Variants in COL10A1 observed in about 807,000 individuals in gnomAD.
COL10A1 encodes the protein collagen type X alpha 1 chain, also known as collagen alpha-1(X) chain.
A neutral mutation model predicts 18.2 loss-of-function variants in COL10A1; 10 were observed. The observed-to-expected ratio is 0.55, with a 90% CI of 0.34 to 0.93. COL10A1 has a LOEUF of 0.93. COL10A1 is among the 40% of genes least tolerant of loss of function. The pLI is 0.02. For missense variants in COL10A1, 897 were observed against 853.5 expected (o/e 1.05, Z -0.64); for synonymous variants, 330 against 316.6 (o/e 1.04, Z -0.45).
chr6:116,142,343 T>TA (rs938704859), intron 1 of COL10A1, among the ~76,000 whole-genome samples: 1 of 151,432 alleles, frequency 6.6e-6, no homozygotes, highest in African/African-American at 2.4e-5. Flanking sequence ...TTTCAAGTTG[T>TA]AAAAAAAAAT....
intron 1 of COL10A1, among the ~76,000 whole-genome samples, chr6:116,154,528 G>A (rs1169603354): frequency 6.6e-6 from 1 of 151,484 alleles, no homozygotes; most frequent in Non-Finnish European, 1.5e-5. Flanking sequence ...AACAAATGCT[G>A]ATGAAAAAAA....
chr6:116,178,088 T>TGTGTGTGTGTGTGC, the COL10A1 span, among the ~76,000 whole-genome samples: 15 of 99,664 alleles, frequency 1.5e-4, no homozygotes, highest in African/African-American at 6.0e-4. Flanking sequence ...TGTGTGTGTG[T>TGTGTGTGTGTGTGC]GCGCGCGCGC....
intron 1 of COL10A1, among the ~76,000 whole-genome samples, chr6:116,157,909 A>G (rs867082044): frequency 1.3e-5 from 2 of 152,218 alleles, no homozygotes; most frequent in Non-Finnish European, 1.5e-5. Context: ...GAAGTACAGA[A>G]ATAAAATGTC....
At chr6:116,178,654 A>G in the COL10A1 span, among the ~76,000 whole-genome samples, 1 of 152,238 alleles carries the variant, frequency 6.6e-6, no homozygotes, top group African/African-American at 2.4e-5. Context: ...TAGTTTTGGT[A>G]AAGGCAATTT....
At chr6:116,212,660 T>TCCAC in the COL10A1 span, among the ~76,000 whole-genome samples, 1 of 152,200 alleles carries the variant, frequency 6.6e-6, no homozygotes, top group African/African-American at 2.4e-5. Flanking sequence ...TTAAGAAAAA[T>TCCAC]CCAAAGTTTT....
chr6:116,167,335 C>G, the COL10A1 span, among the ~76,000 whole-genome samples: 1 of 151,224 alleles, frequency 6.6e-6, no homozygotes, highest in African/African-American at 2.4e-5. Context: ...GCCTCAGCCT[C>G]CCAAGTAATT....
At chr6:116,199,113 G>C in the COL10A1 span, among the ~76,000 whole-genome samples, 2 of 151,918 alleles carry the variant, frequency 1.3e-5, no homozygotes, top group Non-Finnish European at 1.5e-5. Flanking sequence ...ATGTCCCTGG[G>C]GGGTGAGGGG....
rs144652779 is a variant in COL10A1 at position 116,133,297 on chromosome 6, C to A, written c.-15-7790G>T. ...CACATGTTAGTTCCTACTCTGTTTA[C>A]AACTTCAGCTTTCACATGCAGTTTC... On this transcript the variant is annotated intron_variant, in intron 1 of 1. Transcript: ENST00000418500. Among the ~76,000 whole-genome samples, 282 of 152,282 alleles carry A rather than the reference C, an allele frequency of 1.9e-3. 1 individual carries two copies. The highest frequency in any genetic ancestry group is 6.3e-3 in the African/African-American group (262 of 41,572).
chr6:116,166,972 G>T, the COL10A1 span, among the ~76,000 whole-genome samples: 1 of 151,972 alleles, frequency 6.6e-6, no homozygotes, highest in African/African-American at 2.4e-5. Flanking sequence ...TTGTTTTGGG[G>T]AGCCTACTCT....
At chr6:116,216,571 G>A in the COL10A1 span, among the ~76,000 whole-genome samples, 1 of 151,720 alleles carries the variant, frequency 6.6e-6, no homozygotes, top group Non-Finnish European at 1.5e-5. Context: ...GCTTTTATTT[G>A]AGAGACTTTC....
At chr6:116,183,401 C>G in the COL10A1 span, among the ~76,000 whole-genome samples, 6 of 151,906 alleles carry the variant, frequency 3.9e-5, no homozygotes, top group African/African-American at 1.5e-4. Flanking sequence ...TTTTCTAGTT[C>G]TGTGAAGAAT....
At chr6:116,183,607 C>T in the COL10A1 span, among the ~76,000 whole-genome samples, 1 of 151,654 alleles carries the variant, frequency 6.6e-6, no homozygotes, top group Non-Finnish European at 1.5e-5. Flanking sequence ...AGTCTTTCAC[C>T]TCCTTGGTTA....
chr6:116,153,421 T>G (rs187672116), intron 1 of COL10A1, among the ~76,000 whole-genome samples: 1 of 152,250 alleles, frequency 6.6e-6, no homozygotes, highest in Admixed American at 6.5e-5. Flanking sequence ...TCAGTTATCT[T>G]TAAGCATAGT....
the COL10A1 span, among the ~76,000 whole-genome samples, chr6:116,166,053 A>G: frequency 5.0e-4 from 76 of 152,292 alleles, 1 homozygote; most frequent in Middle Eastern, 3.4e-3. Context: ...TCATGAAGGT[A>G]GAAAGGCTCC....
chr6:116,127,851 T>C (rs1353657421), upstream of COL10A1, among the ~76,000 whole-genome samples: 1 of 152,214 alleles, frequency 6.6e-6, no homozygotes, highest in East Asian at 1.9e-4. Context: ...TACATAGTGC[T>C]ATGCCCCTGT....
At chr6:116,183,030 C>T in the COL10A1 span, among the ~76,000 whole-genome samples, 1 of 152,066 alleles carries the variant, frequency 6.6e-6, no homozygotes, top group South Asian at 2.1e-4. Context: ...AGTTTTTCAT[C>T]CATCTTAAGT....
rs766668557 is a variant in COL10A1 at position 116,125,345 on chromosome 6, T to A, written c.148A>T (p.Ser50Cys). The change falls in exon 2 of 3, where the codon AGT (serine) becomes TGT (cysteine). Residue 50 changes from serine to cysteine, a missense_variant. Ser to Cys is a moderately radical substitution (Grantham distance 112). Transcript: ENST00000651968. ...TQFFIPYTIKSKGIAVRGEQG... is the reference protein window; with the variant it reads ...TQFFIPYTIKCKGIAVRGEQG... ...AATATACAATTCAATTTACCTTTAC[T>A]CTTTATGGTGTAGGGAATGAAGAAC... 6.2e-7 allele frequency: 1 copy of A among 1,613,602 alleles called. No individual in the cohort carries two copies.
At chr6:116,208,243 G>T in the COL10A1 span, among the ~76,000 whole-genome samples, 2 of 151,970 alleles carry the variant, frequency 1.3e-5, no homozygotes, top group Non-Finnish European at 2.9e-5. Context: ...GCTTTGCCCG[G>T]AGGCATCCCA....
intron 2 of COL10A1, among the ~76,000 whole-genome samples, chr6:116,122,733 T>G (rs1385979955): frequency 6.6e-6 from 1 of 152,168 alleles, no homozygotes; most frequent in African/African-American, 2.4e-5. Context: ...TTTCTGAGAT[T>G]TGGAAAACAT....
Sources: gnomAD v4.1 joint callset for allele counts (sites outside exome capture counted in the v4.1 genomes callset) on GRCh38, gnomAD v4.1.1 for gene constraint, MANE v1.5 for transcripts, NCBI Gene and HGNC (gene_info 2026-07-23, HGNC 2026-07-21) for gene names.